TRPM3: variants seen among roughly 807,000 people sequenced by gnomAD.
TRPM3 encodes the protein transient receptor potential cation channel subfamily M member 3.
A neutral mutation model predicts 181.2 loss-of-function variants in TRPM3; 77 were observed. The ratio of observed to expected loss-of-function variants is 0.42; its 90% CI spans 0.35 to 0.51. TRPM3 has a LOEUF of 0.51. Among genes scored for constraint, TRPM3 ranks in the 20% least tolerant of loss-of-function variants. The pLI, the probability that TRPM3 is intolerant of heterozygous loss-of-function variation, is 0.01. For missense variants in TRPM3, 1,759 were observed against 2,196.7 expected (o/e 0.80, Z 3.98); for synonymous variants, 745 against 796.4 (o/e 0.94, Z 1.09).
At chr9:71,261,725 T>A (rs2083069581) in intron 1 of TRPM3, among the ~76,000 whole-genome samples, 1 of 152,250 alleles carries the variant, frequency 6.6e-6, no homozygotes, top group Non-Finnish European at 1.5e-5. Context: ...GCTATTGGTT[T>A]CTGTTTGTTA....
chr9:71,064,937 T>C (rs905613506), intron 1 of TRPM3, among the ~76,000 whole-genome samples: 17 of 152,144 alleles, frequency 1.1e-4, no homozygotes, highest in African/African-American at 3.1e-4. Context: ...ATTCCAGTTA[T>C]TCAAAAAGTT....
intron 1 of TRPM3, among the ~76,000 whole-genome samples, chr9:71,144,593 T>C (rs2075304732): frequency 6.6e-6 from 1 of 152,148 alleles, no homozygotes; most frequent in African/African-American, 2.4e-5. Flanking sequence ...GTCAATTACA[T>C]GAGTTCCCTG....
intron 1 of TRPM3, among the ~76,000 whole-genome samples, chr9:71,195,845 G>A (rs1030430431): frequency 1.3e-5 from 2 of 151,950 alleles, no homozygotes; most frequent in African/African-American, 4.8e-5. Context: ...TCCTTAGCAA[G>A]CTAACACAGG....
intron 1 of TRPM3, among the ~76,000 whole-genome samples, chr9:71,195,100 A>G (rs901952939): frequency 6.6e-6 from 1 of 152,114 alleles, no homozygotes; most frequent in Non-Finnish European, 1.5e-5. Context: ...AGGAATTGGT[A>G]TAAGTTTCAT....
chr9:70,792,854 A>G (rs1024670198), intron 6 of TRPM3, among the ~76,000 whole-genome samples: 1 of 152,192 alleles, frequency 6.6e-6, no homozygotes, highest in Admixed American at 6.5e-5. Flanking sequence ...TAAAATAGAG[A>G]AAATTGTGCA....
At chr9:70,820,238 A>G (rs535989288) in intron 6 of TRPM3, among the ~76,000 whole-genome samples, 96 of 152,342 alleles carry the variant, frequency 6.3e-4, no homozygotes, top group African/African-American at 2.1e-3. Flanking sequence ...TTACTCTGTA[A>G]CAAATAATAG....
At chr9:70,621,114 A>T (rs1214167705) in intron 15 of TRPM3, 130 bp downstream of exon 15, 6 of 226,494 alleles carry the variant, frequency 2.6e-5, no homozygotes, top group African/African-American at 4.8e-5. Flanking sequence ...TATATATATT[A>T]TATATAGTAT....
At chr9:70,653,691 A>C (rs992156273) in intron 9 of TRPM3, among the ~76,000 whole-genome samples, 5 of 145,530 alleles carry the variant, frequency 3.4e-5, no homozygotes, top group South Asian at 2.3e-4. Context: ...AAAAAAAAAA[A>C]AAAAAAAAAC....
intron 1 of TRPM3, among the ~76,000 whole-genome samples, chr9:71,205,241 C>A: frequency 1.2e-5 from 1 of 81,828 alleles, no homozygotes; most frequent in South Asian, 3.4e-4. Context: ...TTAAGCAAAT[C>A]AAATAATAAA....
At chr9:71,180,008 T>C (rs2077306676) in intron 1 of TRPM3, among the ~76,000 whole-genome samples, 1 of 151,106 alleles carries the variant, frequency 6.6e-6, no homozygotes. Context: ...TGATTGGTTT[T>C]ACATTACACA....
intron 1 of TRPM3, among the ~76,000 whole-genome samples, chr9:71,292,586 A>C: frequency 1.3e-5 from 2 of 152,010 alleles, no homozygotes; most frequent in East Asian, 3.8e-4. Flanking sequence ...CAGTCTGTTA[A>C]GAAGAGATTG....
At chr9:71,383,354 T>C (rs981791310) in intron 1 of TRPM3, among the ~76,000 whole-genome samples, 16 of 152,194 alleles carry the variant, frequency 1.1e-4, no homozygotes, top group Non-Finnish European at 1.8e-4. Flanking sequence ...TTTTGTGCCC[T>C]TGTAAACTGA....
intron 1 of TRPM3, among the ~76,000 whole-genome samples, chr9:71,250,851 G>C (rs1163971203): frequency 6.6e-6 from 1 of 152,152 alleles, no homozygotes; most frequent in African/African-American, 2.4e-5. Flanking sequence ...GGGAGAGTAA[G>C]ATGACCTGGG....
chr9:70,931,005 G>A (rs2096770784), intron 1 of TRPM3, among the ~76,000 whole-genome samples: 1 of 152,042 alleles, frequency 6.6e-6, no homozygotes, highest in Non-Finnish European at 1.5e-5. Context: ...ATTAGCTAGA[G>A]GAGTATAATA....
intron 8 of TRPM3, among the ~76,000 whole-genome samples, chr9:70,700,325 G>A (rs2072057018): frequency 6.6e-6 from 1 of 152,110 alleles, no homozygotes; most frequent in African/African-American, 2.4e-5. Flanking sequence ...GGATGATTTG[G>A]GGGAAAGTGA....
At chr9:70,959,653 G>A (rs1377404520) in intron 1 of TRPM3, among the ~76,000 whole-genome samples, 1 of 152,070 alleles carries the variant, frequency 6.6e-6, no homozygotes, top group Non-Finnish European at 1.5e-5. Flanking sequence ...TTCCTTCTGA[G>A]ACTTCTGGGC....
chr9:70,834,852 G>A (rs1407493340), intron 5 of TRPM3, among the ~76,000 whole-genome samples: 1 of 152,172 alleles, frequency 6.6e-6, no homozygotes, highest in African/African-American at 2.4e-5. Context: ...CTCAGAAACT[G>A]TGAGATCATC....
At chr9:70,837,217 A>G (rs1405169204) in intron 5 of TRPM3, among the ~76,000 whole-genome samples, 1 of 152,222 alleles carries the variant, frequency 6.6e-6, no homozygotes, top group African/African-American at 2.4e-5. Context: ...GGCTTGCCTC[A>G]GAAATAAGTA....
intron 1 of TRPM3, among the ~76,000 whole-genome samples, chr9:71,003,103 G>A (rs1161656656): frequency 2.7e-5 from 4 of 148,444 alleles, no homozygotes; most frequent in Non-Finnish European, 5.9e-5. Flanking sequence ...AAGGGTCTTC[G>A]TTTCAGGTAG....
Sources: allele counts gnomAD v4.1 joint callset (sites outside exome capture counted in the v4.1 genomes callset), GRCh38; gene constraint gnomAD v4.1.1; transcripts MANE v1.5; gene names NCBI Gene and HGNC (gene_info 2026-07-23, HGNC 2026-07-21).